The following WDFY3 variants were observed in gnomAD, a reference collection of about 807,000 sequenced individuals.
WDFY3 encodes the protein WD repeat and FYVE domain containing 3.
Under a neutral mutation model 409.6 loss-of-function variants are expected in WDFY3, and 66 were observed. The ratio of observed to expected loss-of-function variants is 0.16; its 90% CI spans 0.13 to 0.20. The LOEUF (loss-of-function observed/expected upper bound fraction) is 0.20. Among genes scored for constraint, WDFY3 ranks in the 10% least tolerant of loss-of-function variants. The pLI, the probability that WDFY3 is intolerant of heterozygous loss-of-function variation, is 1.00. For missense variants in WDFY3, 3,031 were observed against 4,298.1 expected, an observed-to-expected ratio of 0.71 and a Z score of 8.24; for synonymous variants, 1,521 against 1,537.1, an observed-to-expected ratio of 0.99 and a Z score of 0.25.
chr4:84,706,189 T>G (rs1424363988), intron 53 of WDFY3, among the ~76,000 whole-genome samples: 2 of 152,224 alleles, frequency 1.3e-5, no homozygotes, highest in Admixed American at 1.3e-4. Context: ...AGTGGAAATT[T>G]GAAATATGTG....
At chr4:84,922,539 A>T (rs917453772) in intron 2 of WDFY3, among the ~76,000 whole-genome samples, 3 of 152,206 alleles carry the variant, frequency 2.0e-5, no homozygotes, top group Non-Finnish European at 4.4e-5. Context: ...AATTCAGTCT[A>T]TAGCTGGGCT....
chr4:84,814,612 G>T (rs1601286), intron 13 of WDFY3, among the ~76,000 whole-genome samples: 19,043 of 152,122 alleles, frequency 0.13, 1,634 homozygotes, highest in African/African-American at 0.24. Context: ...GTTAGTCACT[G>T]AGCAGAGTCT....
intron 27 of WDFY3, 129 bp downstream of exon 27, chr4:84,778,374 T>G (rs964033447): frequency 4.2e-5 from 35 of 840,400 alleles, no homozygotes; most frequent in Non-Finnish European, 5.9e-5. Context: ...TTTTACTAAA[T>G]GATATTAACA....
intron 32 of WDFY3, among the ~76,000 whole-genome samples, chr4:84,764,627 G>A (rs941316952): frequency 1.3e-5 from 2 of 151,908 alleles, no homozygotes; most frequent in African/African-American, 2.4e-5. Flanking sequence ...TTTAGGAGGC[G>A]AAGGCGGGTG....
rs757837768 is a variant in WDFY3 at position 84,715,345 on chromosome 4, A to G, written c.7914T>C (p.Asn2638=). ...AVEVFSGDGR[N]YLLAFQKGIR... is the part of the protein sequence containing the mutation. ...TTCCTTTCTGAAAAGCAAGGAGGTAATTCCGTCCATCTCCAGAGAAAACTT... is the reference window on the plus strand; with the variant it reads ...TTCCTTTCTGAAAAGCAAGGAGGTAGTTCCGTCCATCTCCAGAGAAAACTT... The change falls in exon 50 of 68, where the codon AAT becomes AAC. Residue 2638 remains asparagine, a synonymous_variant. Coordinates refer to ENST00000295888, the MANE Select transcript of WDFY3 (RefSeq NM_014991.6). The G allele has an allele frequency of 1.1e-5, 17 of 1,611,126 alleles. No homozygotes were observed. The highest frequency in any genetic ancestry group is 1.4e-5 in the Non-Finnish European group (16 of 1,177,688).
At position 84,678,854 on chromosome 4, in the gene WDFY3, C is replaced by G. The variant is rs561545077; in HGVS notation, c.10147+65G>C. ...GCCCAGGGAGAGCTAGACCCCACTGCCTCAATCCACCAACCCTCACACCAC... is the reference window on the plus strand; with the variant it reads ...GCCCAGGGAGAGCTAGACCCCACTGGCTCAATCCACCAACCCTCACACCAC... On this transcript the variant is annotated intron_variant, in intron 65 of 67. Coordinates refer to ENST00000295888, the MANE Select transcript of WDFY3 (RefSeq NM_014991.6). 1,697 of 1,528,220 alleles carry G rather than the reference C, an allele frequency of 1.1e-3. 6 individuals are homozygous for G. Among genetic ancestry groups the G allele is most frequent in the Non-Finnish European group, 1.2e-3 (1,373 of 1,130,382 alleles). The allele number at this position is 1,528,220 out of a possible 1,614,324, so 94.7% of individuals were successfully genotyped here.
At chr4:84,858,559 AGAG>A (rs1334829589) in intron 4 of WDFY3, among the ~76,000 whole-genome samples, 2 of 152,222 alleles carry the variant, frequency 1.3e-5, no homozygotes, top group Non-Finnish European at 1.5e-5. Context: ...TATAAGATAT[AGAG>A]GAGAATATTC....
intron 32 of WDFY3, among the ~76,000 whole-genome samples, chr4:84,761,109 A>G (rs1487914119): frequency 6.6e-6 from 1 of 151,772 alleles, no homozygotes; most frequent in African/African-American, 2.4e-5. Flanking sequence ...CATGTAGTTG[A>G]GCGGTTTTGA....
intron 7 of WDFY3, among the ~76,000 whole-genome samples, chr4:84,833,220 A>T (rs993919623): frequency 1.3e-5 from 2 of 152,110 alleles, no homozygotes; most frequent in African/African-American, 4.8e-5. Context: ...TTCTTCTAAT[A>T]CCAGTTCAGG....
At chr4:84,945,665 C>A (rs1772729852) in intron 1 of WDFY3, among the ~76,000 whole-genome samples, 1 of 152,124 alleles carries the variant, frequency 6.6e-6, no homozygotes, top group South Asian at 2.1e-4. Context: ...ATAAAATAAG[C>A]TCTGAACCAC....
chr4:84,734,799 T>C (rs556756019), intron 43 of WDFY3, among the ~76,000 whole-genome samples: 6 of 152,194 alleles, frequency 3.9e-5, no homozygotes, highest in Non-Finnish European at 8.8e-5. Context: ...GTCAACAGAA[T>C]TCAGCTGGGC....
At chr4:84,745,851 A>C (rs1414929622) in intron 36 of WDFY3, among the ~76,000 whole-genome samples, 5 of 152,154 alleles carry the variant, frequency 3.3e-5, no homozygotes, top group Admixed American at 3.3e-4. Context: ...TTATCCCTAT[A>C]AACTGAAGAG....
Position 84,691,710 on chromosome 4 carries a change from A to G in WDFY3, c.9125T>C (p.Ile3042Thr). ...ILAVEQNKVL[I>T]PPTWNKTFAW... The stretch of plus-strand genomic sequence containing the variant: ...AAAAGTTTTATTCCAGGTTGGTGGG[A>G]TAAGAACCTTATTCTGTTCCACCGC... The change falls in exon 60 of 68, where the codon ATC (isoleucine) becomes ACC (threonine). Residue 3042 changes from isoleucine to threonine, a missense_variant. Ile to Thr is a moderately conservative substitution (Grantham distance 89). Around this residue, in one of 16 missense-constraint regions of WDFY3, gnomAD observed 152 missense variants for 193.5 expected, o/e 0.79. Coordinates refer to ENST00000295888, the MANE Select transcript of WDFY3 (RefSeq NM_014991.6). 6.2e-7 allele frequency: 1 copy of G among 1,614,160 alleles called. No individual in the cohort carries two copies. Among genetic ancestry groups the G allele is most frequent in the East Asian group, 2.2e-5 (1 of 44,876 alleles).
intron 3 of WDFY3, among the ~76,000 whole-genome samples, chr4:84,871,197 A>G (rs1762085459): frequency 1.3e-5 from 2 of 152,168 alleles, no homozygotes; most frequent in Non-Finnish European, 2.9e-5. Flanking sequence ...TGAATCAAAC[A>G]TAAAGAGAAA....
intron 3 of WDFY3, among the ~76,000 whole-genome samples, chr4:84,889,955 C>A (rs1417065119): frequency 6.6e-6 from 1 of 152,122 alleles, no homozygotes; most frequent in Non-Finnish European, 1.5e-5. Flanking sequence ...GGGATTGCAG[C>A]TCAAGATCCA....
At chr4:84,905,808 C>A (rs1766969898) in intron 2 of WDFY3, among the ~76,000 whole-genome samples, 1 of 152,194 alleles carries the variant, frequency 6.6e-6, no homozygotes. Flanking sequence ...TCCAGGCATG[C>A]TTTCAATTCC....
In WDFY3 at chr4:84,704,319, C is replaced by G. The variant is rs1423431475; in HGVS notation, c.8442+19G>C. On this transcript the variant is annotated intron_variant, in intron 55 of 67. Coordinates refer to ENST00000295888, the MANE Select transcript of WDFY3 (RefSeq NM_014991.6). ...GTAGGCTTGTATAAAATAGAAAAAC[C>G]CCAAATTTAAAGTTTTACCTGTAGC... 1.3e-6 allele frequency: 2 copies of G among 1,547,498 alleles called. No homozygotes were observed. The highest frequency in any genetic ancestry group is 2.0e-5 in the Admixed American group (1 of 50,648).
rs748892622 is a variant in WDFY3, at chr4:84,724,569, A to G, written c.7298T>C (p.Val2433Ala). 6.2e-7 allele frequency: 1 copy of G among 1,613,408 alleles called. No homozygotes were observed. Among genetic ancestry groups the G allele is most frequent in the Non-Finnish European group, 8.5e-7 (1 of 1,179,822 alleles). Residue 2433 changes from valine to alanine, a missense_variant, in exon 46 of 68, where the codon GTA becomes GCA. Transcript: ENST00000295888. ...QKKPARYRRA[V>A]SYDSKEYYMR... is the part of the protein sequence containing the mutation. ...GTAGTACTCTTTACTGTCATAACTT[A>G]CGGCTCTTCTATATCGAGCAGGTTT... is the stretch of plus-strand genomic sequence containing the variant.
At position 84,928,830 on chromosome 4, in the gene WDFY3, C is replaced by T. The variant is rs112481564; in HGVS notation, c.-132+3440G>A. 2.0e-5 allele frequency among the ~76,000 whole-genome samples: 3 copies of T among 152,138 alleles called. 1 individual carries two copies. The highest frequency in any genetic ancestry group is 7.2e-5 in the African/African-American group (3 of 41,498). ...GAGAAATATCATGTTAATAACGTAG[C>T]GAAGTGAAAAGTCACACGCCACTTG... On this transcript the variant is annotated intron_variant, in intron 2 of 67. Transcript: ENST00000295888.
Sources: gnomAD v4.1 joint callset for allele counts (sites outside exome capture counted in the v4.1 genomes callset) on GRCh38, gnomAD v4.1.1 for gene constraint, gnomAD v4.1.1 regional missense constraint, MANE v1.5 for transcripts, NCBI Gene and HGNC (gene_info 2026-07-23, HGNC 2026-07-21) for gene names.